Variants in FOCAD observed in about 807,000 individuals in gnomAD.
FOCAD encodes KIAA1797.
In FOCAD, 198 loss-of-function variants were observed where a neutral mutation model predicts 225.6. The observed-to-expected ratio is 0.88, with a 90% CI of 0.78 to 0.99. The LOEUF (loss-of-function observed/expected upper bound fraction) is 0.99. Ranked by LOEUF, FOCAD falls within the 50% of genes least tolerant of loss-of-function variation. The probability of loss-of-function intolerance (pLI) is 0.00; values close to 1 mark genes in which losing one functional copy is unlikely to be tolerated. For missense variants in FOCAD, 2,713 were observed against 2,123.6 expected (o/e 1.28, Z -5.46); for synonymous variants, 897 against 755.0 (o/e 1.19, Z -3.08).
chr9:20,740,220 C>G lies in FOCAD; in HGVS notation c.288-16C>G. 1 of 1,426,126 alleles carries G rather than the reference C, an allele frequency of 7.0e-7. No individual in the cohort carries two copies. Among genetic ancestry groups the G allele is most frequent in the Non-Finnish European group, 9.8e-7 (1 of 1,016,288 alleles). 88.3% of individuals were successfully genotyped at this position (1,426,126 alleles called of 1,614,324 possible). On this transcript the variant is annotated splice_polypyrimidine_tract_variant and intron_variant, in intron 4 of 43. Transcript: ENST00000338382. ...CTTTTTATCTATAACATTTAACATG[C>G]TATATTTCTTTGCAGAAATACACAT...
At chr9:20,948,180 C>T in intron 30 of FOCAD, 91 bp from the exon 31 acceptor site, 1 of 1,217,024 alleles carries the variant, frequency 8.2e-7, no homozygotes, top group South Asian at 1.7e-5. Flanking sequence ...AAAGTTAGCA[C>T]TAAAAGTGTT....
chr9:20,745,679 T>G (rs1156609790), intron 5 of FOCAD, among the ~76,000 whole-genome samples: 1 of 152,182 alleles, frequency 6.6e-6, no homozygotes, highest in African/African-American at 2.4e-5. Flanking sequence ...AACTGCTTGT[T>G]CCAGAATTCG....
chr9:20,976,624 C>T, intron 36 of FOCAD, 76 bp downstream of exon 36: 1 of 1,468,116 alleles, frequency 6.8e-7, no homozygotes, highest in Admixed American at 1.7e-5. Flanking sequence ...GATTCTGTGT[C>T]ACAATGTGTA....
In FOCAD at chr9:20,767,769, G is replaced by C. The variant is rs1464121731; in HGVS notation, c.700-2263G>C. On this transcript the variant is annotated intron_variant, in intron 7 of 43. Coordinates refer to ENST00000338382, the MANE Select transcript of FOCAD (RefSeq NM_001375567.1). ...GGTTGCGAAAATTTTCTCCCATTTT[G>C]TAGGTTGCCTGTTCACTCTGATGGT... Among the ~76,000 whole-genome samples, 3 of 147,598 alleles carry C rather than the reference G, an allele frequency of 2.0e-5. 1 individual carries two copies. In the East Asian group the frequency reaches 5.9e-4, roughly 29 times the overall value.
chr9:20,700,827 G>A (rs1823881125), intron 1 of FOCAD, among the ~76,000 whole-genome samples: 1 of 152,208 alleles, frequency 6.6e-6, no homozygotes, highest in Non-Finnish European at 1.5e-5. Context: ...GTTAGGTACT[G>A]TGCTAAACAC....
chr9:20,906,133 C>T (rs1050549694), intron 21 of FOCAD, among the ~76,000 whole-genome samples: 18 of 151,874 alleles, frequency 1.2e-4, no homozygotes, highest in Admixed American at 3.3e-4. Context: ...AGTAGGCCCT[C>T]ACTAAGACTG....
In FOCAD at chr9:20,866,867, T is replaced by C. The variant is rs998411415; in HGVS notation, c.2107-62T>C. On this transcript the variant is annotated intron_variant, in intron 17 of 43. Coordinates refer to ENST00000338382, the MANE Select transcript of FOCAD (RefSeq NM_001375567.1). ...CTCCAGATTTGATGTTTAATGCATG[T>C]TGTGTTTTTTTGTTTGCTTGCTTTT... 8.7e-6 allele frequency: 9 copies of C among 1,033,776 alleles called. No individual in the cohort carries two copies. The African/African-American group carries it at 1.5e-4, about 17-fold the overall frequency. The allele number at this position is 1,033,776 out of a possible 1,614,324, so 64.0% of individuals were successfully genotyped here. A position where few individuals can be genotyped will look rare whatever the true frequency, so the allele number is the denominator to read the frequency against.
intron 35 of FOCAD, among the ~76,000 whole-genome samples, chr9:20,970,065 G>A (rs1032537390): frequency 1.3e-5 from 2 of 151,570 alleles, no homozygotes; most frequent in African/African-American, 4.8e-5. Flanking sequence ...TGAGAAATGA[G>A]CTGTTAATCT....
intron 35 of FOCAD, among the ~76,000 whole-genome samples, chr9:20,953,679 A>C (rs1385292494): frequency 6.6e-6 from 1 of 152,214 alleles, no homozygotes; most frequent in Non-Finnish European, 1.5e-5. Context: ...TTAATAATAC[A>C]CATATAGTTT....
intron 2 of FOCAD, among the ~76,000 whole-genome samples, chr9:20,716,401 C>G (rs1279255757): frequency 6.6e-6 from 1 of 151,900 alleles, no homozygotes; most frequent in Non-Finnish European, 1.5e-5. Flanking sequence ...TTATAGAACA[C>G]TTAAGTAGCA....
At chr9:20,951,146 G>T (rs780872741) in intron 34 of FOCAD, 48 bp downstream of exon 34, 1 of 1,391,936 alleles carries the variant, frequency 7.2e-7, no homozygotes, top group Non-Finnish European at 1.0e-6. Flanking sequence ...AGGGATTGCC[G>T]ACCCAGCGCT....
chr9:20,845,442 G>GAGATATATAT (rs368497237), intron 15 of FOCAD, among the ~76,000 whole-genome samples: 68 of 121,266 alleles, frequency 5.6e-4, no homozygotes, highest in African/African-American at 1.7e-3. Flanking sequence ...TCTTTTCCTC[G>GAGATATATAT]ATATATATAT....
chr9:20,967,671 G>A (rs1422232127), intron 35 of FOCAD, among the ~76,000 whole-genome samples: 1 of 152,010 alleles, frequency 6.6e-6, no homozygotes, highest in East Asian at 1.9e-4. Flanking sequence ...ATAGTATTAT[G>A]TGTGTTTTTT....
chr9:20,845,614 C>G (rs373836006), intron 15 of FOCAD, among the ~76,000 whole-genome samples: 1 of 151,778 alleles, frequency 6.6e-6, no homozygotes, highest in Non-Finnish European at 1.5e-5. Context: ...GCACATATCT[C>G]TGATTATTTC....
chr9:20,813,548 G>A (rs1215109844), intron 11 of FOCAD, among the ~76,000 whole-genome samples: 2 of 152,080 alleles, frequency 1.3e-5, no homozygotes, highest in African/African-American at 2.4e-5. Context: ...AATCCCACCA[G>A]GTATGAGGTG....
At chr9:20,766,463 T>C (rs1830059998) in intron 7 of FOCAD, among the ~76,000 whole-genome samples, 1 of 152,198 alleles carries the variant, frequency 6.6e-6, no homozygotes, top group Admixed American at 6.5e-5. Flanking sequence ...ATTTTAGTGA[T>C]AGAGGAAGCG....
At chr9:20,949,574 TGGG>T in intron 32 of FOCAD, 27 bp from the exon 33 acceptor site, 1 of 975,788 alleles carries the variant, frequency 1.0e-6, no homozygotes, top group Non-Finnish European at 1.3e-6. Flanking sequence ...TGGGGGTGGG[TGGG>T]ATGGGTATTT....
intron 11 of FOCAD, among the ~76,000 whole-genome samples, chr9:20,819,298 T>G (rs896790824): frequency 1.3e-5 from 2 of 152,056 alleles, no homozygotes; most frequent in African/African-American, 4.8e-5. Context: ...ACTGCCACGT[T>G]GAGCTCCCAG....
intron 33 of FOCAD, among the ~76,000 whole-genome samples, chr9:20,949,886 T>C (rs1240682569): frequency 6.6e-6 from 1 of 152,168 alleles, no homozygotes; most frequent in Non-Finnish European, 1.5e-5. Context: ...GCTGGCATTT[T>C]TTTTAGTAAA....
Sources: allele counts gnomAD v4.1 joint callset (sites outside exome capture counted in the v4.1 genomes callset), GRCh38; gene constraint gnomAD v4.1.1; transcripts MANE v1.5; gene names NCBI Gene and HGNC (gene_info 2026-07-23, HGNC 2026-07-21).